Variants in CELSR1 observed in about 807,000 individuals in gnomAD.
The protein encoded by CELSR1 is adhesion G protein-coupled receptor C1.
A neutral mutation model predicts 249.1 loss-of-function variants in CELSR1; 110 were observed. That is an observed-to-expected ratio of 0.44 (90% CI 0.38 to 0.52). The LOEUF (loss-of-function observed/expected upper bound fraction) is 0.52. Among genes scored for constraint, CELSR1 ranks in the 20% least tolerant of loss-of-function variants. CELSR1 has a pLI of 0.00. For missense variants in CELSR1, 4,109 were observed against 4,296.4 expected, an observed-to-expected ratio of 0.96 and a Z score of 1.22; for synonymous variants, 2,113 against 1,900.0, an observed-to-expected ratio of 1.11 and a Z score of -2.92.
rs1464727137 is a variant in CELSR1, at chr22:46,427,680, T to G, written c.4611+5713A>C. ...CGTTCCGCTGTCGGAGGACCTTATA[T>G]TCTATTAAATACCTTCCAAGTTCGT... On this transcript the variant is annotated intron_variant, in intron 5 of 34. Coordinates refer to ENST00000674500, the MANE Select transcript of CELSR1 (RefSeq NM_001378328.1). The surrounding 1 kb of genome is among the most constrained non-coding windows in gnomAD (Gnocchi z 4.2). Among the ~76,000 whole-genome samples, 1 of 152,232 alleles carries G rather than the reference T, an allele frequency of 6.6e-6. No individual in the cohort carries two copies. The highest frequency in any genetic ancestry group is 2.4e-5 in the African/African-American group (1 of 41,462).
Position 46,535,751 on chromosome 22 carries a change from G to GC in CELSR1, c.1419dup (p.Leu474AlafsTer62). 1 of 1,612,552 alleles carries GC rather than the reference G, an allele frequency of 6.2e-7. No homozygotes were observed. Among genetic ancestry groups the GC allele is most frequent in the Non-Finnish European group, 8.5e-7 (1 of 1,180,020 alleles). On this transcript the variant is annotated frameshift_variant, in exon 1 of 35. Transcript: ENST00000674500. LOFTEE classifies it high-confidence loss of function. ...TGCACTCGCAGCACAGCCGTGTTGA[G>GC]CCCCACGTCCTCGGGCACCTGGACC...
At position 46,407,327 on chromosome 22, in the gene CELSR1, G is replaced by GCACACA. The variant is rs370743154; in HGVS notation, c.5226+1663_5226+1668dup. Among the ~76,000 whole-genome samples, 1 of 151,890 alleles carries GCACACA rather than the reference G, an allele frequency of 6.6e-6. No individual in the cohort carries two copies. Among genetic ancestry groups the GCACACA allele is most frequent in the African/African-American group, 2.4e-5 (1 of 41,328 alleles). ...CACACACACTTGCACGGAGATATGCGCACACACACACACAAACTTGGAGAA... is the reference window on the plus strand; with the variant it reads ...CACACACACTTGCACGGAGATATGCGCACACACACACACACACACAAACTTGGAGAA... On this transcript the variant is annotated intron_variant, in intron 9 of 34. Transcript: ENST00000674500. The surrounding 1 kb of genome is among the most constrained non-coding windows in gnomAD (Gnocchi z 4.8).
intron 1 of CELSR1, among the ~76,000 whole-genome samples, chr22:46,470,751 G>C (rs77488451): frequency 6.6e-5 from 10 of 152,016 alleles, no homozygotes; most frequent in African/African-American, 2.2e-4. Flanking sequence ...TCCCCACAAC[G>C]GAATATGACG....
intron 25 of CELSR1, among the ~76,000 whole-genome samples, chr22:46,372,227 T>C (rs1230790222): frequency 2.5e-5 from 3 of 120,164 alleles, no homozygotes; most frequent in African/African-American, 6.7e-5. Flanking sequence ...TACTCACCCA[T>C]CCATGCATCC....
Position 46,408,887 on chromosome 22 carries a change from G to A in CELSR1, c.5226+109C>T, listed in dbSNP as rs1473949697. ...GAGAACCCCAGGGGCGGGCGCCGGAGGAAGGGCGAGTAGCAGGTGCCCGAG... is the reference window on the plus strand; with the variant it reads ...GAGAACCCCAGGGGCGGGCGCCGGAAGAAGGGCGAGTAGCAGGTGCCCGAG... On this transcript the variant is annotated intron_variant, in intron 9 of 34. Transcript: ENST00000674500. This position sits in a 1 kb window ranked among gnomAD's most constrained non-coding sequence, Gnocchi z 4.6. 1.1e-6 allele frequency: 1 copy of A among 872,944 alleles called. No individual in the cohort carries two copies. Among genetic ancestry groups the A allele is most frequent in the African/African-American group, 1.7e-5 (1 of 57,464 alleles). 54.1% of individuals were successfully genotyped at this position (872,944 alleles called of 1,614,324 possible).
chr22:46,398,375 G>C lies in CELSR1; in HGVS notation c.5526+149C>G. On this transcript the variant is annotated intron_variant, in intron 11 of 34. Coordinates refer to ENST00000674500, the MANE Select transcript of CELSR1 (RefSeq NM_001378328.1). This position sits in a 1 kb window ranked among gnomAD's most constrained non-coding sequence, Gnocchi z 7.2. The stretch of plus-strand genomic sequence containing the variant: ...GGAGAATGGGTCTGAAGAGGAAACA[G>C]GAGCTGTTAAAGTGGGGATGCCTGT... 2 of 605,820 alleles carry C rather than the reference G, an allele frequency of 3.3e-6. No individual in the cohort carries two copies. The highest frequency in any genetic ancestry group is 5.8e-6 in the Non-Finnish European group (2 of 345,020). The allele number at this position is 605,820 out of a possible 1,614,324, so 37.5% of individuals were successfully genotyped here. A position where few individuals can be genotyped will look rare whatever the true frequency, so the allele number is the denominator to read the frequency against.
rs370441132 is a variant in CELSR1 at position 46,398,501 on chromosome 22, C to G, written c.5526+23G>C. 162 of 1,540,276 alleles carry G rather than the reference C, an allele frequency of 1.1e-4. No homozygotes were observed. In the African/African-American group the frequency reaches 1.9e-3, roughly 18 times the overall value. ...TGCCTGTGAGGGGCAGGCCTCCCCC[C>G]GCCCCCCACAACCCCCACGCACCTG... On this transcript the variant is annotated intron_variant, in intron 11 of 34. Coordinates refer to ENST00000674500, the MANE Select transcript of CELSR1 (RefSeq NM_001378328.1). The surrounding 1 kb of genome is among the most constrained non-coding windows in gnomAD (Gnocchi z 7.2).
At position 46,393,028 on chromosome 22, in the gene CELSR1, G is replaced by C. The variant is rs148626170; in HGVS notation, c.5964+1114C>G. ...GCCTTTCAGGACACAAGTCCCATTTGCTGTTGGAACCACCGCAGGCACTGG... is the reference window on the plus strand; with the variant it reads ...GCCTTTCAGGACACAAGTCCCATTTCCTGTTGGAACCACCGCAGGCACTGG... On this transcript the variant is annotated intron_variant, in intron 14 of 34. Transcript: ENST00000674500. The surrounding 1 kb of genome is among the most constrained non-coding windows in gnomAD (Gnocchi z 4.1). 6.6e-6 allele frequency among the ~76,000 whole-genome samples: 1 copy of C among 152,304 alleles called. No homozygotes were observed. The highest frequency in any genetic ancestry group is 1.5e-5 in the Non-Finnish European group (1 of 68,016).
intron 1 of CELSR1, among the ~76,000 whole-genome samples, chr22:46,533,291 C>T (rs1338234624): frequency 3.3e-5 from 5 of 152,198 alleles, no homozygotes; most frequent in African/African-American, 7.2e-5. Context: ...CAAGCAAATC[C>T]TGTGACCCAG....
In CELSR1 at chr22:46,382,020, C is replaced by T; in HGVS notation, c.6914G>A (p.Arg2305Lys). The change falls in exon 21 of 35, where the codon AGG (arginine) becomes AAG (lysine). Residue 2305 changes from arginine to lysine, a missense_variant. This residue lies in a region of CELSR1 where 1,805 missense variants were observed against 1,831.6 expected (regional missense o/e 0.99). Coordinates refer to ENST00000674500, the MANE Select transcript of CELSR1 (RefSeq NM_001378328.1). ...CGGGCGCGTGGTCTGCGGGGTGGTC[C>T]TCCGGCCAGCCGGCCTCAGCAGGGG... is the stretch of plus-strand genomic sequence containing the variant. The part of the protein sequence containing the change: ...EGPLLRPAGR[R>K]TTPQTTRPGP... The T allele has an allele frequency of 1.9e-6, 3 of 1,553,680 alleles. No homozygotes were observed. Among genetic ancestry groups the T allele is most frequent in the Non-Finnish European group, 1.7e-6 (2 of 1,150,072 alleles).
At chr22:46,524,553 T>C (rs1044778752) in intron 1 of CELSR1, among the ~76,000 whole-genome samples, 1 of 106,764 alleles carries the variant, frequency 9.4e-6, no homozygotes, top group African/African-American at 3.1e-5. Context: ...TGTGTGTGTG[T>C]GTGTGTGTGT....
intron 2 of CELSR1, among the ~76,000 whole-genome samples, chr22:46,456,483 C>A (rs1011951730): frequency 3.5e-4 from 53 of 151,868 alleles, no homozygotes; most frequent in Non-Finnish European, 7.5e-4. Flanking sequence ...CAAGGTGACA[C>A]CCCGTCTCTA....
Position 46,535,170 on chromosome 22 carries a change from CAT to C in CELSR1, c.1999_2000del (p.Met667GlufsTer15). 6.2e-7 allele frequency: 1 copy of C among 1,609,382 alleles called. No individual in the cohort carries two copies. ...TGATGGACACGCTGGTGGAGGAGCTCATGGGGGGCGAGCCGTGGTCCACCGCC... is the reference window on the plus strand; with the variant it reads ...TGATGGACACGCTGGTGGAGGAGCTCGGGGGGCGAGCCGTGGTCCACCGCC... ...VEAVDHGSPPMSSSTSVSITV... is the reference protein window; with the variant it reads ...VEAVDHGSPPXSSSTSVSITV... On this transcript the variant is annotated frameshift_variant, in exon 1 of 35. Coordinates refer to ENST00000674500, the MANE Select transcript of CELSR1 (RefSeq NM_001378328.1). LOFTEE classifies it high-confidence loss of function.
At chr22:46,367,167 C>A (rs1448482185) in intron 28 of CELSR1, 49 bp from the exon 29 acceptor site, 1 of 1,591,190 alleles carries the variant, frequency 6.3e-7, no homozygotes, top group Non-Finnish European at 8.5e-7. Flanking sequence ...TCCCTAGGCA[C>A]CTGCCCTTAG....
At chr22:46,384,835 G>A (rs1569122284) in intron 19 of CELSR1, 149 bp from the exon 20 acceptor site, 2 of 837,516 alleles carry the variant, frequency 2.4e-6, no homozygotes, top group African/African-American at 1.8e-5. Context: ...TGTCTCCCAG[G>A]CTGGAGTGCA....
chr22:46,397,956 C>A (rs187737367), intron 11 of CELSR1, 108 bp from the exon 12 acceptor site: 3 of 945,262 alleles, frequency 3.2e-6, no homozygotes, highest in Admixed American at 7.3e-5. Flanking sequence ...ATCTGTGATG[C>A]CTCATTTATC....
At chr22:46,431,398 G>T (rs752552420) in intron 5 of CELSR1, among the ~76,000 whole-genome samples, 8 of 152,218 alleles carry the variant, frequency 5.3e-5, no homozygotes, top group Non-Finnish European at 1.2e-4. Flanking sequence ...GCACTGATGG[G>T]GAGACCAAGG....
intron 25 of CELSR1, 23 bp downstream of exon 25, chr22:46,372,860 A>C (rs775444285): frequency 8.9e-6 from 14 of 1,579,712 alleles, no homozygotes; most frequent in Middle Eastern, 1.7e-4. Context: ...GGTTTTATGC[A>C]GGGCCACTCT....
Position 46,517,581 on chromosome 22 carries a change from C to T in CELSR1, c.3544+16046G>A, listed in dbSNP as rs3827412. On this transcript the variant is annotated intron_variant, in intron 1 of 34. Coordinates refer to ENST00000674500, the MANE Select transcript of CELSR1 (RefSeq NM_001378328.1). This position sits in a 1 kb window ranked among gnomAD's most constrained non-coding sequence, Gnocchi z 5.4. ...GCCCCTGCAGACACGCCGCAAAACACGCCCCTGAGCTTCCCGTCCTGCACA... is the reference window on the plus strand; with the variant it reads ...GCCCCTGCAGACACGCCGCAAAACATGCCCCTGAGCTTCCCGTCCTGCACA... Among the ~76,000 whole-genome samples, 109,598 of 152,142 alleles carry T rather than the reference C, an allele frequency of 0.72. 39,916 individuals are homozygous for T. Among genetic ancestry groups the T allele is most frequent in the East Asian group, 0.86 (4,445 of 5,172 alleles).
Sources: gnomAD v4.1 joint callset for allele counts (sites outside exome capture counted in the v4.1 genomes callset) on GRCh38, gnomAD v4.1.1 for gene constraint, gnomAD v4.1.1 regional missense constraint, Gnocchi (gnomAD v3.1) non-coding constraint, MANE v1.5 for transcripts, NCBI Gene and HGNC (gene_info 2026-07-23, HGNC 2026-07-21) for gene names.